Variants in SRPK2 observed in about 807,000 individuals in gnomAD.
The protein encoded by SRPK2 is SRSF protein kinase 2.
SRPK2 carries 21 observed loss-of-function variants against 90.8 expected under a neutral mutation model. The observed-to-expected ratio is 0.23, with a 90% CI of 0.16 to 0.33. The LOEUF is 0.33. SRPK2 is among the 10% of genes least tolerant of loss of function. The probability of loss-of-function intolerance (pLI) is 1.00; values close to 1 mark genes in which losing one functional copy is unlikely to be tolerated. For synonymous variants in SRPK2, 288 were observed against 311.1 expected (o/e 0.93, Z 0.78); for missense variants, 620 against 869.0 (o/e 0.71, Z 3.60).
At chr7:105,384,248 A>C (rs756925868) in intron 2 of SRPK2, among the ~76,000 whole-genome samples, 3 of 152,246 alleles carry the variant, frequency 2.0e-5, no homozygotes, top group Non-Finnish European at 4.4e-5. Context: ...ATTTGTGACT[A>C]AACAGCACTA....
intron 2 of SRPK2, chr7:105,204,881 A>C: frequency 2.4e-6 from 1 of 413,780 alleles, no homozygotes; most frequent in Non-Finnish European, 4.6e-6. Flanking sequence ...AGCAGGTGGA[A>C]TCTTGGTGTT....
At chr7:105,207,560 T>C (rs971191654) in intron 2 of SRPK2, among the ~76,000 whole-genome samples, 1 of 152,192 alleles carries the variant, frequency 6.6e-6, no homozygotes, top group Non-Finnish European at 1.5e-5. Flanking sequence ...TCAACAACAA[T>C]ACCAAAATAA....
chr7:105,198,178 T>G (rs1236046852), intron 3 of SRPK2, among the ~76,000 whole-genome samples: 2 of 152,154 alleles, frequency 1.3e-5, no homozygotes, highest in Non-Finnish European at 2.9e-5. Context: ...AAATCACTGA[T>G]GAATTTGTTA....
chr7:105,277,748 C>T (rs1322370647), intron 2 of SRPK2, among the ~76,000 whole-genome samples: 1 of 152,192 alleles, frequency 6.6e-6, no homozygotes, highest in Non-Finnish European at 1.5e-5. Flanking sequence ...CCCCAATTAT[C>T]ACTAACTTTT....
chr7:105,226,201 GATC>G (rs1267803304), intron 2 of SRPK2, among the ~76,000 whole-genome samples: 1 of 151,124 alleles, frequency 6.6e-6, no homozygotes, highest in South Asian at 2.1e-4. Flanking sequence ...AACATTTAGT[GATC>G]ATATTCTTCC....
At chr7:105,355,074 CT>C (rs1337963111) in intron 2 of SRPK2, among the ~76,000 whole-genome samples, 17 of 152,122 alleles carry the variant, frequency 1.1e-4, no homozygotes, top group Non-Finnish European at 2.1e-4. Flanking sequence ...TGTAACAGTA[CT>C]TCATTATTTT....
intron 2 of SRPK2, among the ~76,000 whole-genome samples, chr7:105,375,515 T>C (rs955515585): frequency 6.6e-6 from 1 of 152,180 alleles, no homozygotes; most frequent in African/African-American, 2.4e-5. Flanking sequence ...TACCCATCTC[T>C]ATTTTAAAAA....
At chr7:105,362,394 T>C (rs1006051055) in intron 2 of SRPK2, among the ~76,000 whole-genome samples, 2 of 151,670 alleles carry the variant, frequency 1.3e-5, no homozygotes, top group African/African-American at 4.8e-5. Context: ...GATCACAAGG[T>C]TGGGAGATGG....
chr7:105,274,561 CA>C (rs1044900577), intron 2 of SRPK2, among the ~76,000 whole-genome samples: 10 of 138,876 alleles, frequency 7.2e-5, no homozygotes, highest in East Asian at 6.2e-4. Flanking sequence ...GACTCCGTCT[CA>C]AAAAAAAAAG....
intron 7 of SRPK2, among the ~76,000 whole-genome samples, chr7:105,158,488 C>T (rs1304368520): frequency 1.3e-5 from 2 of 152,070 alleles, no homozygotes; most frequent in Non-Finnish European, 2.9e-5. Flanking sequence ...CTCCTGACCT[C>T]GTGATCCACC....
upstream of SRPK2, among the ~76,000 whole-genome samples, chr7:105,391,454 C>T (rs1393769637): frequency 6.6e-6 from 1 of 152,172 alleles, no homozygotes; most frequent in Non-Finnish European, 1.5e-5. Flanking sequence ...ATCCACCTTC[C>T]TTGGCTTCCC....
intron 3 of SRPK2, among the ~76,000 whole-genome samples, chr7:105,177,643 C>T (rs1237445619): frequency 1.3e-5 from 2 of 152,094 alleles, no homozygotes; most frequent in Non-Finnish European, 2.9e-5. Context: ...GCTATGCATG[C>T]GTCAGGGCAG....
At chr7:105,254,183 C>T (rs572406786) in intron 2 of SRPK2, among the ~76,000 whole-genome samples, 2 of 152,182 alleles carry the variant, frequency 1.3e-5, no homozygotes, top group South Asian at 4.1e-4. Context: ...TTACCCACAC[C>T]CAATTAACAC....
At chr7:105,180,863 A>C (rs1459486484) in intron 3 of SRPK2, among the ~76,000 whole-genome samples, 1 of 152,236 alleles carries the variant, frequency 6.6e-6, no homozygotes, top group African/African-American at 2.4e-5. Context: ...AAGCAATTGC[A>C]ACAAAACCAA....
chr7:105,235,055 T>C (rs896952232), intron 2 of SRPK2, among the ~76,000 whole-genome samples: 3 of 147,610 alleles, frequency 2.0e-5, no homozygotes, highest in African/African-American at 7.5e-5. Flanking sequence ...ATCTTATGTG[T>C]GGCCCAAGCC....
chr7:105,206,940 A>G (rs1435276026), intron 2 of SRPK2, among the ~76,000 whole-genome samples: 1 of 152,172 alleles, frequency 6.6e-6, no homozygotes, highest in African/African-American at 2.4e-5. Flanking sequence ...AGGACTTCTA[A>G]TGACCTACTT....
intron 3 of SRPK2, among the ~76,000 whole-genome samples, chr7:105,185,065 T>C (rs1793399070): frequency 6.6e-6 from 1 of 152,122 alleles, no homozygotes; most frequent in Admixed American, 6.6e-5. Context: ...TTTGTATCTG[T>C]TCAAAAACTT....
At chr7:105,224,170 A>G (rs575160292) in intron 2 of SRPK2, among the ~76,000 whole-genome samples, 1 of 152,278 alleles carries the variant, frequency 6.6e-6, no homozygotes, top group South Asian at 2.1e-4. Context: ...ATATTTTTAA[A>G]TATTTATATT....
intron 3 of SRPK2, among the ~76,000 whole-genome samples, chr7:105,202,696 C>T (rs922231224): frequency 1.3e-5 from 2 of 152,218 alleles, no homozygotes; most frequent in Non-Finnish European, 2.9e-5. Flanking sequence ...GAAATCATAG[C>T]TGAAAACATA....
Sources: allele counts gnomAD v4.1 joint callset (sites outside exome capture counted in the v4.1 genomes callset), GRCh38; gene constraint gnomAD v4.1.1; transcripts MANE v1.5; gene names NCBI Gene and HGNC (gene_info 2026-07-23, HGNC 2026-07-21).